Variants in CAST observed in about 807,000 individuals in gnomAD.
CAST encodes MIR583 host.
Under a neutral mutation model 119.6 loss-of-function variants are expected in CAST, and 76 were observed. That is an observed-to-expected ratio of 0.64 (90% CI 0.53 to 0.77). The LOEUF (loss-of-function observed/expected upper bound fraction) is 0.77, where lower values mean the gene tolerates loss of function less well. Among genes scored for constraint, CAST ranks in the 30% least tolerant of loss-of-function variants. CAST has a pLI of 0.00. For synonymous variants in CAST, 319 were observed against 331.6 expected (o/e 0.96, Z 0.41); for missense variants, 953 against 946.5 (o/e 1.01, Z -0.09).
At chr5:96,539,208 A>G (rs1453344495) in intron 1 of CAST, among the ~76,000 whole-genome samples, 2 of 152,188 alleles carry the variant, frequency 1.3e-5, no homozygotes, top group Admixed American at 1.3e-4. Context: ...GTTGAGAAAA[A>G]CCGAAAAACT....
Position 96,680,175 on chromosome 5 carries a change from C to A in CAST, c.138+4574C>A, listed in dbSNP as rs563071426. 4.7e-5 allele frequency among the ~76,000 whole-genome samples: 7 copies of A among 150,296 alleles called. No individual in the cohort carries two copies. The South Asian group carries it at 1.5e-3, about 32-fold the overall frequency. On this transcript the variant is annotated intron_variant, in intron 2 of 31. Coordinates refer to ENST00000675179, the MANE Select transcript of CAST (RefSeq NM_001750.7). ...ACCAGCCTGGCCGATATGGTGAAAC[C>A]CCAACTCTACTAAAAATACAAAAAT... is the stretch of plus-strand genomic sequence containing the variant.
Position 96,737,879 on chromosome 5 carries a change from A to G in CAST, c.730A>G (p.Ile244Val), listed in dbSNP as rs747718222. The G allele has an allele frequency of 6.2e-7, 1 of 1,605,846 alleles. No individual in the cohort carries two copies. The highest frequency in any genetic ancestry group is 1.1e-5 in the South Asian group (1 of 90,870). Residue 244 changes from isoleucine (I) to valine (V), a missense_variant, in exon 11 of 32, where the codon ATA (isoleucine) becomes GTA (valine). Ile to Val is a conservative substitution (Grantham distance 29, BLOSUM62 3). Transcript: ENST00000675179. ...CATGGATGCTGCTTTGGATGACTTA[A>G]TAGATACTTTAGGAGGACCTGAAGA... ...SGMDAALDDL[I>V]DTLGGPEETE... is the part of the protein sequence containing the mutation.
At chr5:96,154,074 G>A in the CAST span, among the ~76,000 whole-genome samples, 2 of 152,014 alleles carry the variant, frequency 1.3e-5, no homozygotes, top group Admixed American at 6.6e-5. Context: ...TCAGGAGATC[G>A]AGACCATCCT....
chr5:96,224,524 G>A, the CAST span, among the ~76,000 whole-genome samples: 5 of 152,122 alleles, frequency 3.3e-5, no homozygotes, highest in Non-Finnish European at 7.4e-5. Context: ...GAAGAGGAGA[G>A]AGCAATGTGA....
the CAST span, among the ~76,000 whole-genome samples, chr5:96,145,435 T>C: frequency 6.6e-6 from 1 of 152,212 alleles, no homozygotes; most frequent in South Asian, 2.1e-4. Flanking sequence ...CAGTTATGGA[T>C]GTAGAAGACA....
chr5:96,670,686 C>T (rs1406732606), intron 1 of CAST, among the ~76,000 whole-genome samples: 3 of 152,152 alleles, frequency 2.0e-5, no homozygotes, highest in African/African-American at 7.2e-5. Flanking sequence ...TTAGTAGAGA[C>T]AGGGTTTTAC....
At chr5:96,020,515 C>G in the CAST span, among the ~76,000 whole-genome samples, 2 of 152,168 alleles carry the variant, frequency 1.3e-5, no homozygotes, top group East Asian at 3.9e-4. Context: ...ACATTACTGC[C>G]TGAGTTCCAC....
At chr5:96,189,291 G>T in the CAST span, among the ~76,000 whole-genome samples, 4 of 152,130 alleles carry the variant, frequency 2.6e-5, no homozygotes, top group Non-Finnish European at 5.9e-5. Flanking sequence ...GGGCTAGGTG[G>T]ATAATGGTCC....
chr5:96,707,382 TTTAG>T (rs1332584328), intron 3 of CAST, among the ~76,000 whole-genome samples: 1 of 151,356 alleles, frequency 6.6e-6, no homozygotes, highest in Non-Finnish European at 1.5e-5. Flanking sequence ...ATGTGTTAAC[TTTAG>T]TTAACCTTTT....
chr5:96,532,263 T>C (rs1005157600), intron 1 of CAST, among the ~76,000 whole-genome samples: 1 of 152,204 alleles, frequency 6.6e-6, no homozygotes, highest in Non-Finnish European at 1.5e-5. Context: ...AAGGGCCTAC[T>C]GAGGGCTTAT....
the CAST span, among the ~76,000 whole-genome samples, chr5:96,169,973 T>A: frequency 7.2e-5 from 11 of 152,254 alleles, no homozygotes; most frequent in Admixed American, 2.6e-4. Context: ...TGGCCGTCAA[T>A]ACCCACAACA....
intron 1 of CAST, among the ~76,000 whole-genome samples, chr5:96,570,403 G>A (rs1042456352): frequency 3.3e-5 from 5 of 151,870 alleles, no homozygotes; most frequent in Non-Finnish European, 7.4e-5. Flanking sequence ...GGAAAGAGTG[G>A]CTGAAATGAA....
the CAST span, among the ~76,000 whole-genome samples, chr5:95,986,840 T>C: frequency 6.6e-6 from 1 of 152,190 alleles, no homozygotes; most frequent in Non-Finnish European, 1.5e-5. Context: ...ACATTCATGA[T>C]TGTAAGCATC....
chr5:96,330,520 ACTT>A, the CAST span, among the ~76,000 whole-genome samples: 1 of 152,160 alleles, frequency 6.6e-6, no homozygotes, highest in Non-Finnish European at 1.5e-5. Flanking sequence ...TTTTATTATT[ACTT>A]CTTCTCACCC....
intron 1 of CAST, among the ~76,000 whole-genome samples, chr5:96,613,365 C>A (rs1280391060): frequency 6.6e-6 from 1 of 152,144 alleles, no homozygotes; most frequent in African/African-American, 2.4e-5. Flanking sequence ...AATGAAATTT[C>A]ATACTTTTTT....
the CAST span, among the ~76,000 whole-genome samples, chr5:96,199,589 A>C: frequency 2.0e-5 from 3 of 152,290 alleles, no homozygotes; most frequent in Non-Finnish European, 4.4e-5. Context: ...GTTCCAGAAA[A>C]AAAAATTTAA....
the CAST span, among the ~76,000 whole-genome samples, chr5:96,510,070 C>A: frequency 1.3e-5 from 2 of 151,980 alleles, no homozygotes; most frequent in African/African-American, 4.8e-5. Flanking sequence ...ATTTTTTTAA[C>A]CCAGCTGTAC....
At chr5:96,528,227 A>G (rs542615197), upstream of CAST, among the ~76,000 whole-genome samples, 1 of 152,238 alleles carries the variant, frequency 6.6e-6, no homozygotes, top group South Asian at 2.1e-4. Flanking sequence ...CAGAGCTCAA[A>G]CTCATTCAGC....
chr5:96,086,582 T>G, the CAST span, among the ~76,000 whole-genome samples: 1 of 152,144 alleles, frequency 6.6e-6, no homozygotes, highest in African/African-American at 2.4e-5. Context: ...AAAAATCTAT[T>G]TAAATAATTG....
Sources: gnomAD v4.1 joint callset for allele counts (sites outside exome capture counted in the v4.1 genomes callset) on GRCh38, gnomAD v4.1.1 for gene constraint, MANE v1.5 for transcripts, NCBI Gene and HGNC (gene_info 2026-07-23, HGNC 2026-07-21) for gene names.